MYO1D: variants seen among roughly 807,000 people sequenced by gnomAD.
MYO1D encodes the protein myosin ID, also known as unconventional myosin-Id.
MYO1D carries 83 observed loss-of-function variants against 122.0 expected under a neutral mutation model. The ratio of observed to expected loss-of-function variants is 0.68; its 90% CI spans 0.57 to 0.82. MYO1D has a LOEUF of 0.82. Ranked by LOEUF, MYO1D falls within the 40% of genes least tolerant of loss-of-function variation. MYO1D has a pLI of 0.00. For synonymous variants in MYO1D, 464 were observed against 446.9 expected (o/e 1.04, Z -0.48); for missense variants, 1,157 against 1,269.5 (o/e 0.91, Z 1.35).
At chr17:32,842,884 T>TGC (rs1343400855) in intron 1 of MYO1D, among the ~76,000 whole-genome samples, 1 of 129,180 alleles carries the variant, frequency 7.7e-6, no homozygotes, top group Non-Finnish European at 1.6e-5. Flanking sequence ...TTCTATTTCT[T>TGC]TCTTTTTTTT....
chr17:32,540,720 G>A (rs1455359051), intron 21 of MYO1D, among the ~76,000 whole-genome samples: 3 of 151,994 alleles, frequency 2.0e-5, no homozygotes, highest in Non-Finnish European at 2.9e-5. Context: ...GAGGTCAGGA[G>A]TTCGAGACCA....
chr17:32,824,265 T>C (rs2090702027), intron 1 of MYO1D, among the ~76,000 whole-genome samples: 1 of 152,080 alleles, frequency 6.6e-6, no homozygotes, highest in Non-Finnish European at 1.5e-5. Flanking sequence ...ACCCTGAAAG[T>C]TGGTAATAAT....
chr17:32,816,129 T>C (rs1014969235), intron 1 of MYO1D, among the ~76,000 whole-genome samples: 1 of 152,218 alleles, frequency 6.6e-6, no homozygotes, highest in Non-Finnish European at 1.5e-5. Context: ...GGGTCTAGTG[T>C]GATGTTTAAC....
chr17:32,868,690 T>C (rs1357411870), intron 1 of MYO1D, among the ~76,000 whole-genome samples: 2 of 152,188 alleles, frequency 1.3e-5, no homozygotes, highest in Non-Finnish European at 2.9e-5. Flanking sequence ...GCTGAACATG[T>C]GATTTCATCT....
chr17:32,787,521 C>T (rs564175058), intron 1 of MYO1D, among the ~76,000 whole-genome samples: 37 of 151,982 alleles, frequency 2.4e-4, no homozygotes, highest in South Asian at 8.3e-4. Flanking sequence ...TGGGTTCAAG[C>T]GATTCTCCTG....
At chr17:32,838,027 T>C (rs2090844416) in intron 1 of MYO1D, among the ~76,000 whole-genome samples, 1 of 152,194 alleles carries the variant, frequency 6.6e-6, no homozygotes, top group African/African-American at 2.4e-5. Context: ...CAAGATGTAA[T>C]GTTCTTTGTG....
At chr17:32,777,252 G>A (rs2151026774) in intron 3 of MYO1D, among the ~76,000 whole-genome samples, 1 of 152,224 alleles carries the variant, frequency 6.6e-6, no homozygotes, top group Non-Finnish European at 1.5e-5. Flanking sequence ...TGCCTCTCCT[G>A]GCCCAGCAAT....
chr17:32,596,946 C>T lies in MYO1D; in HGVS notation c.2864+8141G>A, dbSNP rs1324108454. On this transcript the variant is annotated intron_variant, in intron 21 of 21. Coordinates refer to ENST00000318217, the MANE Select transcript of MYO1D (RefSeq NM_015194.3). ...GAATGAAACGCAAACCAAAAGTCAG[C>T]CACACTCAAAACCTCTGTAAACCAC... Among the ~76,000 whole-genome samples, 5 of 152,320 alleles carry T rather than the reference C, an allele frequency of 3.3e-5. No homozygotes were observed. In the South Asian group the frequency reaches 1.0e-3, roughly 32 times the overall value.
intron 21 of MYO1D, among the ~76,000 whole-genome samples, chr17:32,518,079 T>C (rs1391077206): frequency 6.1e-4 from 78 of 126,904 alleles, no homozygotes; most frequent in Middle Eastern, 4.5e-3. Context: ...GCACCTGGCC[T>C]GCCACTCTGC....
At chr17:32,756,369 A>C in intron 10 of MYO1D, 1 of 212,000 alleles carries the variant, frequency 4.7e-6, no homozygotes, top group Non-Finnish European at 9.6e-6. Context: ...TCAGTCTTTT[A>C]AACAGCCTTA....
At chr17:32,820,419 C>T (rs2090650531) in intron 1 of MYO1D, among the ~76,000 whole-genome samples, 1 of 152,138 alleles carries the variant, frequency 6.6e-6, no homozygotes, top group Non-Finnish European at 1.5e-5. Context: ...CACACATACA[C>T]AGAAAATGGA....
chr17:32,578,900 T>A (rs945219572), intron 21 of MYO1D, among the ~76,000 whole-genome samples: 1 of 152,200 alleles, frequency 6.6e-6, no homozygotes, highest in Admixed American at 6.5e-5. Context: ...TGCTTTGGCG[T>A]AACTTCAGAC....
At chr17:32,774,693 A>C (rs888702318) in intron 4 of MYO1D, among the ~76,000 whole-genome samples, 6 of 151,970 alleles carry the variant, frequency 3.9e-5, no homozygotes, top group Non-Finnish European at 8.8e-5. Context: ...TGAACTGATG[A>C]AACATTCTGG....
chr17:32,630,482 G>T lies in MYO1D; in HGVS notation c.2709+8240C>A, dbSNP rs148065274. On this transcript the variant is annotated intron_variant, in intron 20 of 21. Transcript: ENST00000318217. The stretch of plus-strand genomic sequence containing the variant: ...AGTTTGCTAGGGCTGCCATGATAAA[G>T]TATCACAGACTAGGTGGCTTAAACA... Among the ~76,000 whole-genome samples the T allele has an allele frequency of 3.7e-3, 558 of 152,306 alleles. 2 individuals are homozygous for T. The highest frequency in any genetic ancestry group is 0.012 in the African/African-American group (511 of 41,574).
At chr17:32,579,923 C>G (rs1048676794) in intron 21 of MYO1D, among the ~76,000 whole-genome samples, 10 of 152,122 alleles carry the variant, frequency 6.6e-5, no homozygotes, top group African/African-American at 2.4e-4. Context: ...CGGTTTTTGG[C>G]TATTACAAAT....
At chr17:32,839,289 ACCTTATTT>A (rs1378016974) in intron 1 of MYO1D, among the ~76,000 whole-genome samples, 1 of 152,210 alleles carries the variant, frequency 6.6e-6, no homozygotes, top group Non-Finnish European at 1.5e-5. Context: ...GGAAGAAAGA[ACCTTATTT>A]TTCCAAGAGC....
intron 1 of MYO1D, among the ~76,000 whole-genome samples, chr17:32,796,497 C>G (rs1022144166): frequency 2.6e-5 from 4 of 152,164 alleles, no homozygotes; most frequent in Non-Finnish European, 4.4e-5. Context: ...ACTACAACCT[C>G]CACCTCACAA....
intron 21 of MYO1D, among the ~76,000 whole-genome samples, chr17:32,545,491 G>A (rs1314992439): frequency 3.9e-5 from 6 of 152,162 alleles, no homozygotes; most frequent in African/African-American, 1.4e-4. Flanking sequence ...GGAAAGGAAC[G>A]TGAGAGGAGT....
chr17:32,762,907 G>T (rs981557142), intron 8 of MYO1D, among the ~76,000 whole-genome samples: 2 of 150,296 alleles, frequency 1.3e-5, no homozygotes, highest in Non-Finnish European at 3.0e-5. Flanking sequence ...ACAAAAAAAC[G>T]GCCGGGTGCG....
Sources: allele counts gnomAD v4.1 joint callset (sites outside exome capture counted in the v4.1 genomes callset), GRCh38; gene constraint gnomAD v4.1.1; transcripts MANE v1.5; gene names NCBI Gene and HGNC (gene_info 2026-07-23, HGNC 2026-07-21).